ERBB4: variants seen among roughly 807,000 people sequenced by gnomAD.
The protein encoded by ERBB4 is erb-b2 receptor tyrosine kinase 4.
ERBB4 carries 42 observed loss-of-function variants against 158.0 expected under a neutral mutation model. That is an observed-to-expected ratio of 0.27 (90% CI 0.21 to 0.34). The LOEUF is 0.34. Among genes scored for constraint, ERBB4 ranks in the 10% least tolerant of loss-of-function variants. The pLI is 1.00. For missense variants in ERBB4, 1,333 were observed against 1,624.1 expected, an observed-to-expected ratio of 0.82 and a Z score of 3.08; for synonymous variants, 583 against 558.7, an observed-to-expected ratio of 1.04 and a Z score of -0.61.
chr2:212,311,471 C>A (rs565682530), intron 1 of ERBB4, among the ~76,000 whole-genome samples: 1 of 150,730 alleles, frequency 6.6e-6, no homozygotes, highest in Non-Finnish European at 1.5e-5. Flanking sequence ...AAAGAACAGG[C>A]TGTTGACTGC....
intron 2 of ERBB4, among the ~76,000 whole-genome samples, chr2:211,988,449 T>A (rs572975508): frequency 6.6e-6 from 1 of 152,220 alleles, no homozygotes; most frequent in African/African-American, 2.4e-5. Context: ...ATAGTAAGTG[T>A]TTAGTAAAGA....
chr2:212,311,666 A>T (rs887136334), intron 1 of ERBB4, among the ~76,000 whole-genome samples: 7 of 151,004 alleles, frequency 4.6e-5, no homozygotes, highest in Non-Finnish European at 7.4e-5. Flanking sequence ...CAAGTCCTAA[A>T]TTTTTTAAAA....
intron 3 of ERBB4, among the ~76,000 whole-genome samples, chr2:211,832,654 C>G (rs956830449): frequency 6.7e-6 from 1 of 149,988 alleles, no homozygotes; most frequent in Non-Finnish European, 1.5e-5. Flanking sequence ...AACCAGCATC[C>G]TTGTGTATCA....
chr2:211,750,023 C>T (rs1208057379), intron 5 of ERBB4, among the ~76,000 whole-genome samples: 1 of 151,786 alleles, frequency 6.6e-6, no homozygotes, highest in Non-Finnish European at 1.5e-5. Flanking sequence ...AAAAAAATAG[C>T]TATTTGTCTT....
chr2:211,725,164 T>C lies in ERBB4; in HGVS notation c.653A>G (p.Asp218Gly), dbSNP rs890173173. The C allele has an allele frequency of 1.9e-6, 3 of 1,613,826 alleles. No individual in the cohort carries two copies. The highest frequency in any genetic ancestry group is 2.5e-6 in the Non-Finnish European group (3 of 1,179,910). ...GACGTAAGGTCCGTAGCATCTGCCG[T>C]CACATTGTTCTGCACACACCGTCCT... ...LTRTVCAEQC[D>G]GRCYGPYVSD... The change falls in exon 6 of 28, where the codon GAC becomes GGC. Residue 218 changes from aspartate (D) to glycine (G), a missense_variant. Around this residue, in one of 5 missense-constraint regions of ERBB4, gnomAD observed 438 missense variants for 586.9 expected, o/e 0.75. Transcript: ENST00000342788.
chr2:211,473,982 G>C (rs754379282), intron 20 of ERBB4, among the ~76,000 whole-genome samples: 3 of 151,934 alleles, frequency 2.0e-5, no homozygotes, highest in Admixed American at 6.6e-5. Flanking sequence ...TTTCCATTTC[G>C]TCTCCAAGGA....
At chr2:211,399,928 C>T (rs1163711956) in intron 25 of ERBB4, among the ~76,000 whole-genome samples, 2 of 152,152 alleles carry the variant, frequency 1.3e-5, no homozygotes, top group African/African-American at 2.4e-5. Context: ...CACCTAACTG[C>T]ATTTCCACAC....
At chr2:211,783,641 T>G (rs1441816459) in intron 4 of ERBB4, among the ~76,000 whole-genome samples, 1 of 152,222 alleles carries the variant, frequency 6.6e-6, no homozygotes, top group Non-Finnish European at 1.5e-5. Context: ...GGTTTTTATC[T>G]TTGGTTCTGT....
At position 211,561,883 on chromosome 2, in the gene ERBB4, A is replaced by C. The variant is rs2067403326; in HGVS notation, c.2487+20T>G. 6.2e-7 allele frequency: 1 copy of C among 1,601,590 alleles called. No homozygotes were observed. The highest frequency in any genetic ancestry group is 8.6e-7 in the Non-Finnish European group (1 of 1,168,974). On this transcript the variant is annotated intron_variant, in intron 20 of 27. Transcript: ENST00000342788. ...ATTAACCTAAAAATGTAATTTCCAT[A>C]GAAATTGACAGGCACTTACCTTAGC... is the stretch of plus-strand genomic sequence containing the variant.
intron 3 of ERBB4, among the ~76,000 whole-genome samples, chr2:211,799,126 T>G (rs944729909): frequency 2.6e-5 from 4 of 152,154 alleles, no homozygotes; most frequent in Non-Finnish European, 5.9e-5. Flanking sequence ...CAAAGTCTTG[T>G]ACAAGAGAGC....
At chr2:211,727,336 AT>A (rs1233015817) in intron 5 of ERBB4, among the ~76,000 whole-genome samples, 2 of 151,986 alleles carry the variant, frequency 1.3e-5, no homozygotes, top group Non-Finnish European at 2.9e-5. Context: ...ATACATTTGT[AT>A]TTTTTTCAAG....
At chr2:212,178,166 C>T (rs951296139) in intron 1 of ERBB4, among the ~76,000 whole-genome samples, 3 of 151,686 alleles carry the variant, frequency 2.0e-5, no homozygotes, top group South Asian at 4.2e-4. Context: ...AAAGATTCAG[C>T]CTTACCTTAA....
intron 18 of ERBB4, 138 bp downstream of exon 18, chr2:211,623,784 C>T (rs1027779654): frequency 1.2e-6 from 1 of 803,052 alleles, no homozygotes; most frequent in African/African-American, 1.7e-5. Flanking sequence ...TGTGCAGCAA[C>T]TTCTCAATAT....
In ERBB4 at chr2:211,944,164, C is replaced by CTATATATATATATACTATA. The variant is rs71397155; in HGVS notation, c.421+3265_421+3266insTATAGTATATATATATATA. On this transcript the variant is annotated intron_variant, in intron 3 of 27. Coordinates refer to ENST00000342788, the MANE Select transcript of ERBB4 (RefSeq NM_005235.3). ...TATACATATACACTATATATATACA[C>CTATATATATATATACTATA]TATATATATATACTATATATATATA... Among the ~76,000 whole-genome samples the CTATATATATATATACTATA allele has an allele frequency of 1.6e-3, 163 of 100,884 alleles. 6 individuals are homozygous for CTATATATATATATACTATA. Among genetic ancestry groups the CTATATATATATATACTATA allele is most frequent in the African/African-American group, 6.3e-3 (150 of 23,642 alleles). The allele number at this position is 100,884 out of a possible 152,430, so 66.2% of individuals were successfully genotyped here.
intron 1 of ERBB4, among the ~76,000 whole-genome samples, chr2:212,436,721 C>G (rs1309962515): frequency 3.3e-5 from 5 of 152,032 alleles, no homozygotes; most frequent in Admixed American, 2.0e-4. Context: ...AAATAAAACT[C>G]AAACTATATT....
At chr2:211,806,738 G>T (rs1221615177) in intron 3 of ERBB4, among the ~76,000 whole-genome samples, 1 of 152,038 alleles carries the variant, frequency 6.6e-6, no homozygotes, top group Admixed American at 6.6e-5. Flanking sequence ...GAAAATGAAA[G>T]CCAAGTGGAA....
intron 1 of ERBB4, among the ~76,000 whole-genome samples, chr2:212,220,725 T>C (rs369163317): frequency 2.0e-5 from 3 of 151,402 alleles, no homozygotes; most frequent in African/African-American, 7.3e-5. Context: ...TTCTTATCCC[T>C]CAGTGTTCAG....
chr2:212,181,064 T>G (rs2081843949), intron 1 of ERBB4, among the ~76,000 whole-genome samples: 1 of 151,668 alleles, frequency 6.6e-6, no homozygotes, highest in Admixed American at 6.6e-5. Context: ...TATAGATAAC[T>G]GAGACCCCAG....
At chr2:211,954,223 T>C (rs1575429711) in intron 2 of ERBB4, among the ~76,000 whole-genome samples, 2 of 152,058 alleles carry the variant, frequency 1.3e-5, no homozygotes, top group Admixed American at 6.6e-5. Context: ...ACCTTAAGAT[T>C]AAAGTGATTA....
Sources: gnomAD v4.1 joint callset for allele counts (sites outside exome capture counted in the v4.1 genomes callset) on GRCh38, gnomAD v4.1.1 for gene constraint, gnomAD v4.1.1 regional missense constraint, MANE v1.5 for transcripts, NCBI Gene and HGNC (gene_info 2026-07-23, HGNC 2026-07-21) for gene names.